The following EPHB2 variants were observed in gnomAD, a reference collection of about 807,000 sequenced individuals.
The protein encoded by EPHB2 is EPH receptor B2, also known as ephrin type-B receptor 2.
EPHB2 carries 18 observed loss-of-function variants against 96.4 expected under a neutral mutation model. The ratio of observed to expected loss-of-function variants is 0.19; its 90% CI spans 0.13 to 0.28. The LOEUF is 0.28. Among genes scored for constraint, EPHB2 ranks in the 10% least tolerant of loss-of-function variants. The probability of loss-of-function intolerance (pLI) is 1.00; values close to 1 mark genes in which losing one functional copy is unlikely to be tolerated. For synonymous variants in EPHB2, 506 were observed against 534.1 expected (o/e 0.95, Z 0.72); for missense variants, 989 against 1,355.4 (o/e 0.73, Z 4.25).
intron 1 of EPHB2, among the ~76,000 whole-genome samples, chr1:22,780,840 G>A (rs1171187236): frequency 6.6e-6 from 1 of 152,160 alleles, no homozygotes. Context: ...TGATGTAAGG[G>A]TGGACTTGGC....
At chr1:22,888,906 G>A (rs1226447034) in intron 6 of EPHB2, among the ~76,000 whole-genome samples, 3 of 152,228 alleles carry the variant, frequency 2.0e-5, no homozygotes, top group Non-Finnish European at 4.4e-5. Context: ...TGTAATCCCA[G>A]CACTTTGGGA....
At chr1:22,840,916 T>G (rs1215721756) in intron 3 of EPHB2, among the ~76,000 whole-genome samples, 1 of 152,182 alleles carries the variant, frequency 6.6e-6, no homozygotes, top group Non-Finnish European at 1.5e-5. Flanking sequence ...ATAGGGAAAC[T>G]GAGGCACAGA....
chr1:22,830,563 A>G (rs953752596), intron 3 of EPHB2, among the ~76,000 whole-genome samples: 27 of 152,152 alleles, frequency 1.8e-4, no homozygotes, highest in Non-Finnish European at 3.7e-4. Flanking sequence ...ATTCATATTC[A>G]TTTCTTTTGT....
At chr1:22,900,447 C>G (rs889517618) in intron 9 of EPHB2, among the ~76,000 whole-genome samples, 2 of 152,234 alleles carry the variant, frequency 1.3e-5, no homozygotes, top group South Asian at 2.1e-4. Flanking sequence ...TCATTTGATC[C>G]TTATAATTTC....
chr1:22,826,132 C>T (rs760556850), intron 3 of EPHB2, among the ~76,000 whole-genome samples: 15 of 152,074 alleles, frequency 9.9e-5, no homozygotes, highest in African/African-American at 1.4e-4. Flanking sequence ...ACTGGCAGTG[C>T]GGGAGTGAAT....
chr1:22,898,567 T>G (rs1401435740), intron 9 of EPHB2, among the ~76,000 whole-genome samples: 1 of 151,734 alleles, frequency 6.6e-6, no homozygotes, highest in Non-Finnish European at 1.5e-5. Context: ...TTTCCCTGAG[T>G]GAAATGGGGA....
intron 6 of EPHB2, among the ~76,000 whole-genome samples, chr1:22,888,480 G>T (rs1370089869): frequency 6.6e-6 from 1 of 152,102 alleles, no homozygotes; most frequent in Non-Finnish European, 1.5e-5. Flanking sequence ...GTACCTACTT[G>T]CATTAACCCA....
chr1:22,730,223 G>C (rs1444913395), intron 1 of EPHB2, among the ~76,000 whole-genome samples: 1 of 152,248 alleles, frequency 6.6e-6, no homozygotes, highest in African/African-American at 2.4e-5. Flanking sequence ...TCAGAGCCAG[G>C]GGCGGAGGCG....
At chr1:22,794,809 A>T (rs1250921393) in intron 3 of EPHB2, among the ~76,000 whole-genome samples, 1 of 152,108 alleles carries the variant, frequency 6.6e-6, no homozygotes, top group East Asian at 1.9e-4. Context: ...GAAAACACAT[A>T]GGCTGCCTCC....
intron 3 of EPHB2, among the ~76,000 whole-genome samples, chr1:22,829,539 T>C (rs558033579): frequency 1.2e-3 from 178 of 152,370 alleles, no homozygotes; most frequent in Middle Eastern, 3.4e-3. Flanking sequence ...AATAGCCACA[T>C]TGATTTTCAT....
At chr1:22,900,844 T>G (rs1639727118) in intron 9 of EPHB2, among the ~76,000 whole-genome samples, 1 of 152,046 alleles carries the variant, frequency 6.6e-6, no homozygotes, top group Admixed American at 6.6e-5. Flanking sequence ...CCCTGCGTGG[T>G]CAGGACAGAG....
intron 1 of EPHB2, among the ~76,000 whole-genome samples, chr1:22,779,011 G>C (rs1040868413): frequency 6.6e-6 from 1 of 152,266 alleles, no homozygotes; most frequent in Middle Eastern, 3.4e-3. Flanking sequence ...TCCCCTGCCC[G>C]ACCCTCTTCT....
At chr1:22,771,491 C>G (rs542718196) in intron 1 of EPHB2, among the ~76,000 whole-genome samples, 1 of 152,298 alleles carries the variant, frequency 6.6e-6, no homozygotes, top group East Asian at 1.9e-4. Flanking sequence ...TAGAACCACT[C>G]AGAAGGGGTG....
intron 3 of EPHB2, among the ~76,000 whole-genome samples, chr1:22,805,971 C>T (rs1570312341): frequency 6.6e-6 from 1 of 152,172 alleles, no homozygotes. Context: ...TCCATGCCCG[C>T]AGAGCCCTCC....
In EPHB2 at chr1:22,858,883, C is replaced by T. The variant is rs1176301399; in HGVS notation, c.812-4154C>T. Among the ~76,000 whole-genome samples, 1 of 152,166 alleles carries T rather than the reference C, an allele frequency of 6.6e-6. No individual in the cohort carries two copies. The highest frequency in any genetic ancestry group is 2.4e-5 in the African/African-American group (1 of 41,436). On this transcript the variant is annotated intron_variant, in intron 3 of 15. Transcript: ENST00000374630. The surrounding 1 kb of genome is among the most constrained non-coding windows in gnomAD (Gnocchi z 7.7). ...ATCCCCTTCCAGCCCCTCATTCATC[C>T]ACCCATCACCCACTAGAAACCCAGC... is the stretch of plus-strand genomic sequence containing the variant.
At chr1:22,877,102 G>A (rs1638864273) in intron 5 of EPHB2, among the ~76,000 whole-genome samples, 1 of 152,200 alleles carries the variant, frequency 6.6e-6, no homozygotes. Flanking sequence ...GATGTCCTCA[G>A]GGGCCCTCGG....
chr1:22,738,155 CTCTTTGGGGAT>C (rs1643866339), intron 1 of EPHB2, among the ~76,000 whole-genome samples: 1 of 152,262 alleles, frequency 6.6e-6, no homozygotes, highest in Admixed American at 6.5e-5. Context: ...GCCCAACCCC[CTCTTTGGGGAT>C]GATTTATACA....
rs201819228 is a variant in EPHB2, at chr1:22,752,951, GT to G, written c.62-28458del. ...GGTGCATGCCATCATGCTGGGCTAT[GT>G]TTTTTTTTTTTGGAGACAGGATCTC... is the stretch of plus-strand genomic sequence containing the variant. On this transcript the variant is annotated intron_variant, in intron 1 of 15. Coordinates refer to ENST00000374630, the MANE Select transcript of EPHB2 (RefSeq NM_017449.5). Among the ~76,000 whole-genome samples, 467 of 144,358 alleles carry G rather than the reference GT, an allele frequency of 3.2e-3. 2 individuals are homozygous for G. The highest frequency in any genetic ancestry group is 7.6e-3 in the African/African-American group (302 of 39,600). The allele number at this position is 144,358 out of a possible 152,430, so 94.7% of individuals were successfully genotyped here. A position where few individuals can be genotyped will look rare whatever the true frequency, so the allele number is the denominator to read the frequency against.
At chr1:22,822,386 A>C (rs1183663753) in intron 3 of EPHB2, among the ~76,000 whole-genome samples, 1 of 152,236 alleles carries the variant, frequency 6.6e-6, no homozygotes, top group Non-Finnish European at 1.5e-5. Context: ...AAATAAATTT[A>C]AAATGAAGAT....
Sources: gnomAD v4.1 joint callset for allele counts (sites outside exome capture counted in the v4.1 genomes callset) on GRCh38, gnomAD v4.1.1 for gene constraint, Gnocchi (gnomAD v3.1) non-coding constraint, MANE v1.5 for transcripts, NCBI Gene and HGNC (gene_info 2026-07-23, HGNC 2026-07-21) for gene names.